The following IGF1R variants were observed in gnomAD, a reference collection of about 807,000 sequenced individuals.
IGF1R encodes the protein insulin like growth factor 1 receptor.
In IGF1R, 44 loss-of-function variants were observed where a neutral mutation model predicts 144.6. The observed-to-expected ratio is 0.30, with a 90% CI of 0.24 to 0.39. The LOEUF is 0.39. Among genes scored for constraint, IGF1R ranks in the 10% least tolerant of loss-of-function variants. The pLI is 1.00. For synonymous variants in IGF1R, 795 were observed against 722.8 expected (o/e 1.10, Z -1.60); for missense variants, 1,355 against 1,833.7 (o/e 0.74, Z 4.77).
chr15:98,928,270 G>T (rs967632077), intron 13 of IGF1R, among the ~76,000 whole-genome samples: 1 of 152,166 alleles, frequency 6.6e-6, no homozygotes, highest in East Asian at 1.9e-4. Context: ...CTGTGAGTCT[G>T]CCTGGTGTAA....
chr15:98,826,551 C>T (rs2056897843), intron 2 of IGF1R, among the ~76,000 whole-genome samples: 1 of 152,194 alleles, frequency 6.6e-6, no homozygotes, highest in Non-Finnish European at 1.5e-5. Flanking sequence ...TAGAGGAAGA[C>T]ATATTTAGGC....
Position 98,649,479 on chromosome 15 carries a change from G to A in IGF1R, c.-103G>A. On this transcript the variant is annotated 5_prime_UTR_variant, in exon 1 of 21. Transcript: ENST00000650285. ...TGTTTTTGGAGGGGGAGCGAAGACT[G>A]AGTTTGAGACTTGTTTCCTTTCATT... is the stretch of plus-strand genomic sequence containing the variant. 1.2e-6 allele frequency: 1 copy of A among 817,314 alleles called. No individual in the cohort carries two copies. The highest frequency in any genetic ancestry group is 2.0e-6 in the Non-Finnish European group (1 of 509,866). The allele number at this position is 817,314 out of a possible 1,614,324, so 50.6% of individuals were successfully genotyped here.
intron 1 of IGF1R, among the ~76,000 whole-genome samples, chr15:98,699,537 A>T (rs1360171780): frequency 6.6e-6 from 1 of 152,214 alleles, no homozygotes; most frequent in East Asian, 1.9e-4. Flanking sequence ...AAGATCCGGG[A>T]AAACGGTTGT....
chr15:98,681,582 A>C (rs2053191112), intron 1 of IGF1R, among the ~76,000 whole-genome samples: 1 of 152,106 alleles, frequency 6.6e-6, no homozygotes, highest in African/African-American at 2.4e-5. Flanking sequence ...GGCTGCAGGG[A>C]TGGAGGCAGC....
At chr15:98,939,441 G>C in intron 18 of IGF1R, 81 bp downstream of exon 18, 1 of 1,398,422 alleles carries the variant, frequency 7.2e-7, no homozygotes, top group Non-Finnish European at 1.0e-6. Context: ...TCTGCCCCTG[G>C]AGAGGTTTTC....
intron 2 of IGF1R, among the ~76,000 whole-genome samples, chr15:98,718,790 C>T (rs1181009310): frequency 1.3e-5 from 2 of 152,142 alleles, no homozygotes; most frequent in African/African-American, 4.8e-5. Flanking sequence ...AAAGGAAAGA[C>T]GAAGGTTGAT....
At chr15:98,719,444 A>G (rs1362997600) in intron 2 of IGF1R, among the ~76,000 whole-genome samples, 1 of 152,128 alleles carries the variant, frequency 6.6e-6, no homozygotes, top group African/African-American at 2.4e-5. Flanking sequence ...AGCTCACCAA[A>G]TATTTCTTGT....
At chr15:98,829,847 C>T (rs950379163) in intron 2 of IGF1R, among the ~76,000 whole-genome samples, 1 of 152,170 alleles carries the variant, frequency 6.6e-6, no homozygotes, top group Non-Finnish European at 1.5e-5. Context: ...TTGGTGAAAC[C>T]TGATAACCTT....
intron 2 of IGF1R, among the ~76,000 whole-genome samples, chr15:98,824,945 T>G (rs1029739905): frequency 1.2e-4 from 18 of 152,070 alleles, no homozygotes; most frequent in African/African-American, 4.3e-4. Context: ...CAAGCGATTC[T>G]CCTGCCTCAG....
intron 19 of IGF1R, among the ~76,000 whole-genome samples, chr15:98,946,033 CGAT>C (rs946270488): frequency 3.3e-5 from 5 of 151,728 alleles, no homozygotes; most frequent in African/African-American, 4.8e-5. Context: ...ACGATGACGA[CGAT>C]GACAGCGTCG....
intron 19 of IGF1R, among the ~76,000 whole-genome samples, chr15:98,947,701 G>C (rs1203529006): frequency 1.3e-5 from 2 of 152,196 alleles, no homozygotes; most frequent in African/African-American, 2.4e-5. Context: ...AACTGGCAAA[G>C]CTGCATGCAT....
At chr15:98,821,467 C>G (rs75545326) in intron 2 of IGF1R, among the ~76,000 whole-genome samples, 1,745 of 152,250 alleles carry the variant, frequency 0.011, 32 homozygotes, top group African/African-American at 0.038. Flanking sequence ...ACTGTGGCCC[C>G]TTTTCTGCTG....
Position 98,929,541 on chromosome 15 carries a change from C to T in IGF1R, c.2783-17C>T, listed in dbSNP as rs780640796. On this transcript the variant is annotated splice_polypyrimidine_tract_variant and intron_variant, in intron 13 of 20. Coordinates refer to ENST00000650285, the MANE Select transcript of IGF1R (RefSeq NM_000875.5). The stretch of plus-strand genomic sequence containing the variant: ...TTCACCTGGTGATATTTTATCATTT[C>T]CTCCTCTTTGCTGCAGCAGGATATG... 6 of 1,586,450 alleles carry T rather than the reference C, an allele frequency of 3.8e-6. 1 individual carries two copies. Among genetic ancestry groups the T allele is most frequent in the Admixed American group, 3.3e-5 (2 of 59,944 alleles).
At chr15:98,875,787 A>G (rs1050366125) in intron 2 of IGF1R, among the ~76,000 whole-genome samples, 1 of 152,166 alleles carries the variant, frequency 6.6e-6, no homozygotes, top group African/African-American at 2.4e-5. Flanking sequence ...AAGAGAGGAG[A>G]AGCCCACTGG....
chr15:98,902,660 C>T (rs1303806480), intron 5 of IGF1R, among the ~76,000 whole-genome samples: 13 of 151,362 alleles, frequency 8.6e-5, no homozygotes, highest in African/African-American at 2.2e-4. Context: ...GTGATCCGCC[C>T]GCCTCAGCCT....
chr15:98,934,904 GT>G lies in IGF1R; in HGVS notation c.3038del (p.Val1013AlafsTer10). On this transcript the variant is annotated frameshift_variant, in exon 16 of 21. Coordinates refer to ENST00000650285, the MANE Select transcript of IGF1R (RefSeq NM_000875.5). LOFTEE classifies it high-confidence loss of function. ...ACTTGGGCAGGGGTCGTTTGGGATG[GT>G]CTATGAAGGAGTTGCCAAGGGTGTG... ...RELGQGSFGMVYEGVAKGVVK... is the reference protein window; with the variant it reads ...RELGQGSFGMXYEGVAKGVVK... The G allele has an allele frequency of 6.2e-7, 1 of 1,614,162 alleles. No homozygotes were observed. Among genetic ancestry groups the G allele is most frequent in the Non-Finnish European group, 8.5e-7 (1 of 1,180,034 alleles).
chr15:98,854,611 C>T (rs1452304429), intron 2 of IGF1R, among the ~76,000 whole-genome samples: 26 of 152,152 alleles, frequency 1.7e-4, no homozygotes, highest in Non-Finnish European at 1.5e-5. Context: ...TTCATTTTTT[C>T]CATGCCAACA....
intron 2 of IGF1R, among the ~76,000 whole-genome samples, chr15:98,740,189 C>T (rs530257454): frequency 2.0e-5 from 3 of 152,266 alleles, no homozygotes; most frequent in East Asian, 3.9e-4. Context: ...TTTAAAATGC[C>T]TTAGCATTCC....
At chr15:98,843,890 A>G (rs772938200) in intron 2 of IGF1R, among the ~76,000 whole-genome samples, 10 of 152,222 alleles carry the variant, frequency 6.6e-5, no homozygotes, top group Non-Finnish European at 1.3e-4. Flanking sequence ...AAAAAATTCC[A>G]TCCTCACCAG....
Sources: gnomAD v4.1 joint callset for allele counts (sites outside exome capture counted in the v4.1 genomes callset) on GRCh38, gnomAD v4.1.1 for gene constraint, MANE v1.5 for transcripts, NCBI Gene and HGNC (gene_info 2026-07-23, HGNC 2026-07-21) for gene names.